Variants in KDM5B observed in about 807,000 individuals in gnomAD.
KDM5B encodes the protein lysine-specific demethylase 5B.
A neutral mutation model predicts 193.4 loss-of-function variants in KDM5B; 144 were observed. The observed-to-expected ratio is 0.74, with a 90% confidence interval of 0.65 to 0.86. KDM5B has a LOEUF of 0.86. Ranked by LOEUF, KDM5B falls within the 40% of genes least tolerant of loss-of-function variation. The pLI is 0.00. For missense variants in KDM5B, 1,833 were observed against 1,886.9 expected (o/e 0.97, Z 0.53); for synonymous variants, 668 against 682.6 (o/e 0.98, Z 0.33).
chr1:202,796,865 C>G (rs552879163), intron 1 of KDM5B: 1 of 152,782 alleles, frequency 6.5e-6, no homozygotes, highest in South Asian at 2.1e-4. Flanking sequence ...GATGAAGACT[C>G]AACACCAGGC....
intron 1 of KDM5B, among the ~76,000 whole-genome samples, chr1:202,791,214 A>G (rs1181089083): frequency 2.0e-5 from 3 of 152,230 alleles, no homozygotes; most frequent in South Asian, 4.1e-4. Flanking sequence ...GATTTGAAAG[A>G]TAACCCACTT....
chr1:202,765,388 G>A (rs112104583), intron 5 of KDM5B, among the ~76,000 whole-genome samples: 3,032 of 152,220 alleles, frequency 0.02, 91 homozygotes, highest in African/African-American at 0.068. Flanking sequence ...AAGTATCTGT[G>A]GAACTGTGCT....
At chr1:202,806,037 T>C (rs370529213) in intron 1 of KDM5B, among the ~76,000 whole-genome samples, 1 of 152,194 alleles carries the variant, frequency 6.6e-6, no homozygotes, top group African/African-American at 2.4e-5. Flanking sequence ...CATGTCTGTC[T>C]GACATTCAGA....
At chr1:202,744,119 G>A (rs1367273588) in intron 16 of KDM5B, among the ~76,000 whole-genome samples, 1 of 151,882 alleles carries the variant, frequency 6.6e-6, no homozygotes, top group Non-Finnish European at 1.5e-5. Context: ...CATATATAAG[G>A]AACTTAAAAC....
intron 5 of KDM5B, among the ~76,000 whole-genome samples, chr1:202,765,708 A>T (rs1656428215): frequency 6.6e-6 from 1 of 152,252 alleles, no homozygotes; most frequent in South Asian, 2.1e-4. Context: ...TACCAAAGTG[A>T]AAAACTATTC....
At chr1:202,736,774 T>G (rs1347734488) in intron 20 of KDM5B, among the ~76,000 whole-genome samples, 1 of 152,130 alleles carries the variant, frequency 6.6e-6, no homozygotes, top group Non-Finnish European at 1.5e-5. Flanking sequence ...CCCGGGTAGC[T>G]GGGATTACAG....
chr1:202,779,812 T>TAAATAAAA (rs772637406), intron 1 of KDM5B, among the ~76,000 whole-genome samples: 2 of 51,220 alleles, frequency 3.9e-5, no homozygotes, highest in African/African-American at 8.4e-5. Flanking sequence ...CAAAAATAAA[T>TAAATAAAA]AAATAAATAA....
intron 24 of KDM5B, 77 bp from the exon 25 acceptor site, chr1:202,731,140 T>C (rs923012998): frequency 4.7e-5 from 56 of 1,184,760 alleles, no homozygotes; most frequent in Non-Finnish European, 5.9e-5. Flanking sequence ...ATGAGACAAA[T>C]AGAAGGACTG....
intron 4 of KDM5B, among the ~76,000 whole-genome samples, chr1:202,771,266 C>G (rs557818951): frequency 6.6e-6 from 1 of 152,310 alleles, no homozygotes; most frequent in African/African-American, 2.4e-5. Flanking sequence ...GAGTCTCATT[C>G]TGTCACCCAG....
At chr1:202,781,668 A>C (rs1418030296) in intron 1 of KDM5B, among the ~76,000 whole-genome samples, 1 of 152,202 alleles carries the variant, frequency 6.6e-6, no homozygotes, top group Non-Finnish European at 1.5e-5. Flanking sequence ...GCTAACAGGA[A>C]GCCTTTATAT....
chr1:202,747,569 TAA>T (rs71564198), intron 14 of KDM5B, among the ~76,000 whole-genome samples: 5 of 129,092 alleles, frequency 3.9e-5, no homozygotes, highest in African/African-American at 1.5e-4. Context: ...CACATATTTT[TAA>T]AAAAAAAAAA....
chr1:202,753,946 G>T (rs900045464), intron 11 of KDM5B, among the ~76,000 whole-genome samples: 1 of 152,166 alleles, frequency 6.6e-6, no homozygotes, highest in African/African-American at 2.4e-5. Context: ...TTACAGGCGT[G>T]AGCCACCATG....
At position 202,741,525 on chromosome 1, in the gene KDM5B, G is replaced by T. The variant is rs752648731; in HGVS notation, c.2787C>A (p.Asp929Glu). 2 of 1,614,072 alleles carry T rather than the reference G, an allele frequency of 1.2e-6. No individual in the cohort carries two copies. Among genetic ancestry groups the T allele is most frequent in the African/African-American group, 2.7e-5 (2 of 74,902 alleles). The change falls in exon 19 of 27, where the codon GAC (aspartate) becomes GAA (glutamate). Residue 929 changes from aspartate (D) to glutamate (E), a missense_variant. By Grantham distance (45) the Asp-to-Glu change is conservative. This residue lies in a region of KDM5B where 1,379 missense variants were observed against 1,349.6 expected (regional missense o/e 1.02). Coordinates refer to ENST00000367265, the MANE Select transcript of KDM5B (RefSeq NM_006618.5). ...TATCATCTAAAGTAAGGGAGCTGGGGTCTAGGCAAGCTTGCTGCACCTCTT... is the reference window on the plus strand; with the variant it reads ...TATCATCTAAAGTAAGGGAGCTGGGTTCTAGGCAAGCTTGCTGCACCTCTT... ...WLEEVQQACL[D>E]PSSLTLDDMR...
chr1:202,778,723 A>T (rs1251226126), intron 1 of KDM5B, among the ~76,000 whole-genome samples: 2 of 152,132 alleles, frequency 1.3e-5, no homozygotes, highest in Non-Finnish European at 2.9e-5. Flanking sequence ...CCCGGGTTCA[A>T]GTGATTCTCC....
At chr1:202,760,260 G>A (rs534841885) in intron 8 of KDM5B, among the ~76,000 whole-genome samples, 155 bp downstream of exon 8, 7 of 152,120 alleles carry the variant, frequency 4.6e-5, no homozygotes, top group East Asian at 1.9e-4. Flanking sequence ...ATGCTGCAGT[G>A]AGCCATGTTT....
chr1:202,755,214 G>T (rs1055027470), intron 11 of KDM5B, 57 bp downstream of exon 11: 8 of 1,394,246 alleles, frequency 5.7e-6, no homozygotes, highest in Admixed American at 1.8e-5. Flanking sequence ...CACTGAAAAG[G>T]AAAGTTTTCC....
In KDM5B at chr1:202,777,076, C is replaced by G; in HGVS notation, c.223G>C (p.Ala75Pro). Residue 75 changes from alanine to proline, a missense_variant, in exon 2 of 27, where the codon GCA becomes CCA. Ala to Pro is a conservative substitution (Grantham distance 27). Coordinates refer to ENST00000367265, the MANE Select transcript of KDM5B (RefSeq NM_006618.5). The stretch of plus-strand genomic sequence containing the variant: ...AAATGAAGTTTATCAACATCACATG[C>G]AAATGGTGGCTGCCAATCCTAGGAG... ...RPPPDWQPPF[A>P]CDVDKLHFTP... 6.2e-7 allele frequency: 1 copy of G among 1,613,180 alleles called. No homozygotes were observed. Among genetic ancestry groups the G allele is most frequent in the Non-Finnish European group, 8.5e-7 (1 of 1,179,232 alleles).
chr1:202,742,858 C>A, intron 16 of KDM5B, 53 bp from the exon 17 acceptor site: 3 of 1,495,000 alleles, frequency 2.0e-6, no homozygotes, highest in Non-Finnish European at 2.8e-6. Context: ...TTTATTACTA[C>A]TGGTATGAAA....
intron 10 of KDM5B, among the ~76,000 whole-genome samples, chr1:202,756,045 T>C (rs35030804): frequency 0.39 from 58,807 of 151,410 alleles, 13,860 homozygotes; most frequent in Non-Finnish European, 0.51. Context: ...AGTTCGCTAG[T>C]ATGGAAAAAA....
Sources: allele counts gnomAD v4.1 joint callset (sites outside exome capture counted in the v4.1 genomes callset), GRCh38; gene constraint gnomAD v4.1.1; regional missense constraint gnomAD v4.1.1; transcripts MANE v1.5; gene names NCBI Gene and HGNC (gene_info 2026-07-23, HGNC 2026-07-21).